Variants in ASAP1 observed in about 807,000 individuals in gnomAD.
The protein encoded by ASAP1 is arf-GAP with SH3 domain, ANK repeat and PH domain-containing protein 1.
In ASAP1, 43 loss-of-function variants were observed where a neutral mutation model predicts 145.2. The observed-to-expected ratio is 0.30, with a 90% CI of 0.23 to 0.38. The LOEUF is 0.38. Among genes scored for constraint, ASAP1 ranks in the 10% least tolerant of loss-of-function variants. The pLI is 1.00. For missense variants in ASAP1, 1,018 were observed against 1,355.3 expected (o/e 0.75, Z 3.91); for synonymous variants, 546 against 515.5 (o/e 1.06, Z -0.80).
intron 3 of ASAP1, among the ~76,000 whole-genome samples, chr8:130,322,768 A>T (rs1824086993): frequency 6.6e-6 from 1 of 152,198 alleles, no homozygotes. Flanking sequence ...GGTAGGAGAG[A>T]CAGGATGCAC....
intron 27 of ASAP1, among the ~76,000 whole-genome samples, chr8:130,061,340 T>C (rs920765188): frequency 8.5e-5 from 13 of 152,212 alleles, no homozygotes; most frequent in East Asian, 3.8e-4. Context: ...TAGAAACAGA[T>C]TGCAGAGAAT....
intron 3 of ASAP1, among the ~76,000 whole-genome samples, chr8:130,270,034 G>T (rs1037237833): frequency 6.6e-6 from 1 of 152,186 alleles, no homozygotes; most frequent in Admixed American, 6.6e-5. Context: ...GCCAGGCGTG[G>T]TGGCCCACAC....
chr8:130,401,992 A>C (rs762738624), intron 1 of ASAP1, 22 bp from the exon 2 acceptor site: 1 of 1,535,990 alleles, frequency 6.5e-7, no homozygotes. Flanking sequence ...GCAGGACAAA[A>C]AGGGGACAAG....
At chr8:130,332,632 A>AT (rs1031366044) in intron 3 of ASAP1, among the ~76,000 whole-genome samples, 12 of 152,246 alleles carry the variant, frequency 7.9e-5, no homozygotes, top group Admixed American at 2.6e-4. Flanking sequence ...GAAACTCTGG[A>AT]TTTTTTCCCT....
intron 29 of ASAP1, among the ~76,000 whole-genome samples, chr8:130,056,066 C>G (rs1326965630): frequency 6.6e-6 from 1 of 152,250 alleles, no homozygotes; most frequent in East Asian, 1.9e-4. Context: ...CTGTAGTCAT[C>G]AGTTGCTTAG....
intron 28 of ASAP1, among the ~76,000 whole-genome samples, chr8:130,059,485 C>T (rs2097412894): frequency 6.6e-6 from 1 of 151,970 alleles, no homozygotes; most frequent in Non-Finnish European, 1.5e-5. Context: ...TTTTTTGAGA[C>T]AGGGTCTTGC....
intron 10 of ASAP1, 93 bp downstream of exon 10, chr8:130,168,899 C>T: frequency 1.3e-6 from 1 of 741,876 alleles, no homozygotes; most frequent in Non-Finnish European, 2.3e-6. Context: ...TTAATCTTTT[C>T]TGCTTTTAAC....
At chr8:130,134,399 G>C in intron 14 of ASAP1, 55 bp from the exon 15 acceptor site, 1 of 1,159,994 alleles carries the variant, frequency 8.6e-7, no homozygotes, top group Non-Finnish European at 1.2e-6. Context: ...GGTACTTTCA[G>C]GTACAACACA....
intron 3 of ASAP1, among the ~76,000 whole-genome samples, chr8:130,328,642 C>A (rs1357697538): frequency 6.7e-6 from 1 of 149,874 alleles, no homozygotes; most frequent in African/African-American, 2.5e-5. Context: ...GACAAGGTCT[C>A]CTCTGTCACA....
intron 22 of ASAP1, among the ~76,000 whole-genome samples, chr8:130,115,977 C>T (rs1369451395): frequency 6.6e-6 from 1 of 152,174 alleles, no homozygotes; most frequent in African/African-American, 2.4e-5. Context: ...TAAAAGCTTT[C>T]TTCTTATTAA....
At chr8:130,148,249 A>G (rs2097637551) in intron 13 of ASAP1, among the ~76,000 whole-genome samples, 1 of 152,250 alleles carries the variant, frequency 6.6e-6, no homozygotes, top group Admixed American at 6.5e-5. Flanking sequence ...TACAGTAGAA[A>G]GAGTACAGGC....
intron 15 of ASAP1, among the ~76,000 whole-genome samples, chr8:130,130,920 G>T (rs2097581931): frequency 6.6e-6 from 1 of 152,096 alleles, no homozygotes; most frequent in Non-Finnish European, 1.5e-5. Context: ...ACTTTGGGAG[G>T]CCAAGGCGGG....
intron 12 of ASAP1, 28 bp downstream of exon 12, chr8:130,159,836 T>G: frequency 1.3e-6 from 2 of 1,558,830 alleles, no homozygotes; most frequent in Non-Finnish European, 1.8e-6. Context: ...AATCACACAC[T>G]GAGACACTGG....
rs543437501 is a variant in ASAP1, at chr8:130,325,912, TG to T, written c.186+32104del. Among the ~76,000 whole-genome samples, 427 of 152,258 alleles carry T rather than the reference TG, an allele frequency of 2.8e-3. 4 individuals carry two copies. The highest frequency in any genetic ancestry group is 9.9e-3 in the African/African-American group (413 of 41,540). On this transcript the variant is annotated intron_variant, in intron 3 of 29. Coordinates refer to ENST00000518721, the MANE Select transcript of ASAP1 (RefSeq NM_018482.4). ...GGAGTACTAAATATGCCAGAAACGG[TG>T]GTAAGTTATGCACCTTACATGAAAT...
intron 13 of ASAP1, among the ~76,000 whole-genome samples, chr8:130,138,184 A>G (rs1460543613): frequency 6.6e-6 from 1 of 152,020 alleles, no homozygotes; most frequent in African/African-American, 2.4e-5. Flanking sequence ...ACACACTGCC[A>G]CCTCTCCTTC....
At chr8:130,244,533 T>C (rs781159311) in intron 3 of ASAP1, among the ~76,000 whole-genome samples, 4 of 152,144 alleles carry the variant, frequency 2.6e-5, no homozygotes, top group South Asian at 4.1e-4. Context: ...TCTGAAAATA[T>C]GTCTCATCAT....
At chr8:130,063,970 G>A (rs2097424784) in intron 27 of ASAP1, among the ~76,000 whole-genome samples, 2 of 152,142 alleles carry the variant, frequency 1.3e-5, no homozygotes, top group Admixed American at 1.3e-4. Context: ...CTGGCTGGGT[G>A]GGGAGGAGGA....
chr8:130,417,678 A>C (rs1829545386), intron 1 of ASAP1, among the ~76,000 whole-genome samples: 1 of 151,522 alleles, frequency 6.6e-6, no homozygotes, highest in Non-Finnish European at 1.5e-5. Flanking sequence ...AAGTCCAGGA[A>C]GGATGGAAAT....
At chr8:130,256,629 C>T (rs1478498647) in intron 3 of ASAP1, among the ~76,000 whole-genome samples, 2 of 151,012 alleles carry the variant, frequency 1.3e-5, no homozygotes, top group African/African-American at 4.9e-5. Flanking sequence ...AATGTATTCA[C>T]TTAGAAGCTA....
Sources: allele counts gnomAD v4.1 joint callset (sites outside exome capture counted in the v4.1 genomes callset), GRCh38; gene constraint gnomAD v4.1.1; transcripts MANE v1.5; gene names NCBI Gene and HGNC (gene_info 2026-07-23, HGNC 2026-07-21).